Variants in STRIP2 observed in about 807,000 individuals in gnomAD.
STRIP2 encodes striatin interacting protein 2, also known as striatin-interacting protein 2.
STRIP2 carries 84 observed loss-of-function variants against 107.1 expected under a neutral mutation model. The ratio of observed to expected loss-of-function variants is 0.78; its 90% confidence interval spans 0.66 to 0.94. STRIP2 has a LOEUF of 0.94. Among genes scored for constraint, STRIP2 ranks in the 40% least tolerant of loss-of-function variants. The probability of loss-of-function intolerance (pLI) is 0.00; values close to 1 mark genes in which losing one functional copy is unlikely to be tolerated. For synonymous variants in STRIP2, 394 were observed against 400.4 expected, an observed-to-expected ratio of 0.98 and a Z score of 0.19; for missense variants, 888 against 1,034.2, an observed-to-expected ratio of 0.86 and a Z score of 1.94.
At chr7:129,452,813 T>G (rs1042336717) in intron 4 of STRIP2, among the ~76,000 whole-genome samples, 7 of 152,230 alleles carry the variant, frequency 4.6e-5, no homozygotes, top group Admixed American at 1.3e-4. Flanking sequence ...AGCCTGACTG[T>G]CTCACCCCTC....
At chr7:129,445,198 A>G (rs910544849) in intron 3 of STRIP2, among the ~76,000 whole-genome samples, 1 of 152,148 alleles carries the variant, frequency 6.6e-6, no homozygotes, top group African/African-American at 2.4e-5. Context: ...GAGACGCCCT[A>G]ATGGATCTCC....
intron 8 of STRIP2, among the ~76,000 whole-genome samples, 159 bp from the exon 9 acceptor site, chr7:129,456,280 A>G (rs1451539695): frequency 1.3e-5 from 2 of 150,660 alleles, no homozygotes; most frequent in East Asian, 2.0e-4. Flanking sequence ...GATGGTAATC[A>G]TATTTGCCTC....
intron 3 of STRIP2, among the ~76,000 whole-genome samples, chr7:129,447,804 A>G (rs1247146477): frequency 2.0e-5 from 3 of 152,212 alleles, no homozygotes; most frequent in Non-Finnish European, 4.4e-5. Context: ...AGCAGCTGCA[A>G]TTGGAGTCAC....
chr7:129,437,738 T>C (rs1797781465), intron 1 of STRIP2, among the ~76,000 whole-genome samples: 1 of 151,974 alleles, frequency 6.6e-6, no homozygotes, highest in African/African-American at 2.4e-5. Context: ...TTTTCCCTAC[T>C]GTTCCTTTTA....
In STRIP2 at chr7:129,480,900, T is replaced by C. The variant is rs1799100265; in HGVS notation, c.2049+11T>C. ...CATTCCCGGACCATGGTGAGTGTGGTTTTTTACATCATGGAGTTGTCCATC... is the reference window on the plus strand; with the variant it reads ...CATTCCCGGACCATGGTGAGTGTGGCTTTTTACATCATGGAGTTGTCCATC... On this transcript the variant is annotated intron_variant, in intron 19 of 20. Transcript: ENST00000249344. The C allele has an allele frequency of 6.3e-7, 1 of 1,597,096 alleles. No individual in the cohort carries two copies. Among genetic ancestry groups the C allele is most frequent in the Non-Finnish European group, 8.5e-7 (1 of 1,169,802 alleles).
intron 3 of STRIP2, among the ~76,000 whole-genome samples, chr7:129,451,005 C>T (rs1798174349): frequency 2.3e-5 from 3 of 128,294 alleles, no homozygotes; most frequent in Admixed American, 8.7e-5. Context: ...GGCGGGATCT[C>T]GGCTCACTGC....
In STRIP2 at chr7:129,486,784, T is replaced by G. The variant is rs1468554180; in HGVS notation, c.*955T>G. On this transcript the variant is annotated 3_prime_UTR_variant, in exon 21 of 21. Transcript: ENST00000249344. ...ATTTTTCTTTTTCTGCAGTGTTGAT[T>G]AATGATTTTTTTCCCGTTTATTGCT... 1 of 152,186 alleles carries G rather than the reference T, an allele frequency of 6.6e-6. No individual in the cohort carries two copies. The highest frequency in any genetic ancestry group is 1.5e-5 in the Non-Finnish European group (1 of 68,046). The allele number at this position is 152,186 out of a possible 1,614,324, so 9.4% of individuals were successfully genotyped here. A position where few individuals can be genotyped will look rare whatever the true frequency, so the allele number is the denominator to read the frequency against.
intron 17 of STRIP2, among the ~76,000 whole-genome samples, chr7:129,469,068 C>T (rs1465261700): frequency 6.6e-6 from 1 of 152,178 alleles, no homozygotes; most frequent in African/African-American, 2.4e-5. Context: ...TCCAGATTCC[C>T]TGGGTTAGAG....
At chr7:129,443,319 C>A (rs1281585349) in intron 2 of STRIP2, among the ~76,000 whole-genome samples, 1 of 152,152 alleles carries the variant, frequency 6.6e-6, no homozygotes, top group Non-Finnish European at 1.5e-5. Context: ...GGATTACAAT[C>A]CTATAGGTCT....
intron 14 of STRIP2, 22 bp from the exon 15 acceptor site, chr7:129,464,022 T>G: frequency 6.2e-7 from 1 of 1,601,298 alleles, no homozygotes; most frequent in South Asian, 1.1e-5. Context: ...AGTGGTAAAT[T>G]TCTTTATTTT....
intron 14 of STRIP2, among the ~76,000 whole-genome samples, chr7:129,463,291 C>G (rs1798590609): frequency 6.6e-6 from 1 of 152,166 alleles, no homozygotes; most frequent in Admixed American, 6.5e-5. Context: ...TGGGGACCCT[C>G]CTCCGAGATA....
chr7:129,437,502 AT>A (rs1368665917), intron 1 of STRIP2, among the ~76,000 whole-genome samples: 1 of 151,930 alleles, frequency 6.6e-6, no homozygotes, highest in Non-Finnish European at 1.5e-5. Context: ...AAAGGTAAAT[AT>A]TTTGTTAAAC....
chr7:129,459,094 A>T (rs1798452086), intron 11 of STRIP2, among the ~76,000 whole-genome samples: 1 of 152,096 alleles, frequency 6.6e-6, no homozygotes, highest in South Asian at 2.1e-4. Context: ...TCCTGCTCTA[A>T]TGGGCTAAAA....
intron 5 of STRIP2, 120 bp downstream of exon 5, chr7:129,453,467 C>G: frequency 7.9e-7 from 1 of 1,259,162 alleles, no homozygotes; most frequent in Non-Finnish European, 1.1e-6. Context: ...CTACTCACAC[C>G]TCAGCCCAAA....
At chr7:129,469,345 C>T (rs910578708) in intron 17 of STRIP2, among the ~76,000 whole-genome samples, 2 of 152,342 alleles carry the variant, frequency 1.3e-5, no homozygotes, top group Middle Eastern at 6.8e-3. Context: ...GCAGAATTTT[C>T]TCATGGCTCT....
chr7:129,485,372 C>T (rs952085642), intron 20 of STRIP2, among the ~76,000 whole-genome samples: 7 of 147,452 alleles, frequency 4.7e-5, no homozygotes, highest in Non-Finnish European at 8.9e-5. Context: ...TCTGCATATA[C>T]AAGCTTATGC....
Position 129,458,151 on chromosome 7 carries a change from G to A in STRIP2, c.1039-64G>A, listed in dbSNP as rs755195001. The A allele has an allele frequency of 2.4e-6, 3 of 1,247,392 alleles. No individual in the cohort carries two copies. The African/African-American group carries it at 4.4e-5, about 18-fold the overall frequency. The allele number at this position is 1,247,392 out of a possible 1,614,324, so 77.3% of individuals were successfully genotyped here. A position where few individuals can be genotyped will look rare whatever the true frequency, so the allele number is the denominator to read the frequency against. On this transcript the variant is annotated intron_variant, in intron 9 of 20. Transcript: ENST00000249344. This position sits in a 1 kb window ranked among gnomAD's most constrained non-coding sequence, Gnocchi z 4.6. ...TGTGGAGGCCTGTGGATATGGGGTGGCCTCAGACAAGGATGCCCAGAGTGA... is the reference window on the plus strand; with the variant it reads ...TGTGGAGGCCTGTGGATATGGGGTGACCTCAGACAAGGATGCCCAGAGTGA...
At chr7:129,473,727 A>T (rs985730412) in intron 18 of STRIP2, among the ~76,000 whole-genome samples, 5 of 150,112 alleles carry the variant, frequency 3.3e-5, no homozygotes, top group East Asian at 2.0e-4. Flanking sequence ...TTATTTATTT[A>T]TTTTTTTTGA....
rs147388296 is a variant in STRIP2 at position 129,467,369 on chromosome 7, A to G, written c.1796A>G (p.His599Arg). 2 of 1,613,614 alleles carry G rather than the reference A, an allele frequency of 1.2e-6. No individual in the cohort carries two copies. The highest frequency in any genetic ancestry group is 2.7e-5 in the African/African-American group (2 of 75,036). ...ATTCAGTTTGAATATGTATCGCAAC[A>G]TTTGGTATTTGCCAACTGCATCCCC... ...HIYQFEYVSQ[H>R]LVFANCIPLI... The change falls in exon 17 of 21, where the codon CAT (histidine) becomes CGT (arginine). Residue 599 changes from histidine to arginine, a missense_variant. Physicochemically the swap from His to Arg is conservative, Grantham distance 29 (BLOSUM62 0). Transcript: ENST00000249344.
Sources: gnomAD v4.1 joint callset for allele counts (sites outside exome capture counted in the v4.1 genomes callset) on GRCh38, gnomAD v4.1.1 for gene constraint, Gnocchi (gnomAD v3.1) non-coding constraint, MANE v1.5 for transcripts, NCBI Gene and HGNC (gene_info 2026-07-23, HGNC 2026-07-21) for gene names.